The following BRF2 variants were observed in gnomAD, a reference collection of about 807,000 sequenced individuals.
BRF2 encodes BRF2 general transcription factor IIIB subunit, also known as transcription factor IIIB 50 kDa subunit.
BRF2 carries 17 observed loss-of-function variants against 26.6 expected under a neutral mutation model. The ratio of observed to expected loss-of-function variants is 0.64; its 90% CI spans 0.44 to 0.96. BRF2 has a LOEUF of 0.96. Ranked by LOEUF, BRF2 falls within the 40% of genes least tolerant of loss-of-function variation. The pLI, the probability that BRF2 is intolerant of heterozygous loss-of-function variation, is 0.00. For synonymous variants in BRF2, 219 were observed against 226.6 expected (o/e 0.97, Z 0.30); for missense variants, 515 against 537.0 (o/e 0.96, Z 0.40).
chr8:37,849,084 G>A (rs186058608), intron 1 of BRF2, among the ~76,000 whole-genome samples: 1 of 152,136 alleles, frequency 6.6e-6, no homozygotes, highest in Non-Finnish European at 1.5e-5. Flanking sequence ...CACCATACCT[G>A]GCTAATTAAA....
chr8:37,849,018 G>A (rs906009859), intron 1 of BRF2, among the ~76,000 whole-genome samples: 2 of 152,140 alleles, frequency 1.3e-5, no homozygotes, highest in Non-Finnish European at 2.9e-5. Flanking sequence ...CAACTTCCAG[G>A]CTCAAGCAAT....
At chr8:37,848,871 A>G (rs537298182) in intron 1 of BRF2, among the ~76,000 whole-genome samples, 4 of 152,342 alleles carry the variant, frequency 2.6e-5, no homozygotes, top group South Asian at 2.1e-4. Context: ...AAGTGTTCCA[A>G]ATTTCCAGTC....
At chr8:37,849,521 CAAATT>C in intron 1 of BRF2, 104 bp downstream of exon 1, 5 of 931,496 alleles carry the variant, frequency 5.4e-6, no homozygotes, top group Non-Finnish European at 8.1e-6. Context: ...CATTTTCTCT[CAAATT>C]AAGTGTGTGC....
rs146824652 is a variant in BRF2 at position 37,847,114 on chromosome 8, G to A, written c.276C>T (p.Thr92=). ...VLQLPPTFED[T]AVAYYQQAYR... The stretch of plus-strand genomic sequence containing the variant: ...ATGCCTGTTGGTAGTAGGCAACCGC[G>A]GTATCCTCAAATGTTGGTGGCAACT... Residue 92 remains threonine, a synonymous_variant, in exon 3 of 4, where the codon ACC becomes ACT. Coordinates refer to ENST00000220659, the MANE Select transcript of BRF2 (RefSeq NM_018310.4). 181 of 1,614,162 alleles carry A rather than the reference G, an allele frequency of 1.1e-4. No homozygotes were observed. The Admixed American group carries it at 1.5e-3, about 14-fold the overall frequency.
intron 2 of BRF2, among the ~76,000 whole-genome samples, chr8:37,847,590 C>T (rs1459036201): frequency 2.6e-5 from 4 of 152,162 alleles, no homozygotes; most frequent in African/African-American, 7.2e-5. Context: ...AGTGCAGTGG[C>T]GCCATCTTGG....
At chr8:37,845,713 G>A in intron 3 of BRF2, 1 of 700,562 alleles carries the variant, frequency 1.4e-6, no homozygotes, top group East Asian at 2.7e-5. Flanking sequence ...CAGGTGGGCA[G>A]ATCGCTTGAG....
rs143560473 is a variant in BRF2 at position 37,848,900 on chromosome 8, A to G, written c.155-245T>C. Among the ~76,000 whole-genome samples the G allele has an allele frequency of 6.3e-3, 956 of 152,302 alleles. 5 individuals carry two copies. The highest frequency in any genetic ancestry group is 0.022 in the African/African-American group (902 of 41,558). On this transcript the variant is annotated intron_variant, in intron 1 of 3. Coordinates refer to ENST00000220659, the MANE Select transcript of BRF2 (RefSeq NM_018310.4). ...TCCAGTCATCCTTCCAGTACATTCCATACAGGCAATTTTCCTAGCAGCAGA... is the reference window on the plus strand; with the variant it reads ...TCCAGTCATCCTTCCAGTACATTCCGTACAGGCAATTTTCCTAGCAGCAGA...
At position 37,843,409 on chromosome 8, in the gene BRF2, G is replaced by A. The variant is rs1805873916; in HGVS notation, c.*1081C>T. 1 of 152,298 alleles carries A rather than the reference G, an allele frequency of 6.6e-6. No individual in the cohort carries two copies. The highest frequency in any genetic ancestry group is 1.5e-5 in the Non-Finnish European group (1 of 68,104). The allele number at this position is 152,298 out of a possible 1,614,324, so 9.4% of individuals were successfully genotyped here. ...TGTCAAACCAGCTTCCCGACTCCCA[G>A]GAGCTCAAGCCAAGCCCAGAGGCAG... is the stretch of plus-strand genomic sequence containing the variant. On this transcript the variant is annotated 3_prime_UTR_variant, in exon 4 of 4. Coordinates refer to ENST00000220659, the MANE Select transcript of BRF2 (RefSeq NM_018310.4).
chr8:37,847,444 T>A (rs1210384002), intron 2 of BRF2: 1 of 579,648 alleles, frequency 1.7e-6, no homozygotes, highest in Non-Finnish European at 3.3e-6. Flanking sequence ...TCCAGGCTCT[T>A]AGAGGCTACC....
intron 2 of BRF2, among the ~76,000 whole-genome samples, chr8:37,847,640 C>T (rs1403751853): frequency 6.6e-6 from 1 of 152,198 alleles, no homozygotes; most frequent in Non-Finnish European, 1.5e-5. Context: ...AGTGATTCTC[C>T]TGCCTCAGCC....
rs1050702512 is a variant in BRF2, at chr8:37,844,000, T to A, written c.*490A>T. The A allele has an allele frequency of 6.3e-6, 1 of 158,912 alleles. No homozygotes were observed. The highest frequency in any genetic ancestry group is 2.4e-5 in the African/African-American group (1 of 41,558). The allele number at this position is 158,912 out of a possible 1,614,324, so 9.8% of individuals were successfully genotyped here. ...TGCCTTAGTCTACCCACTGTCCTTT[T>A]GTTATGAGGTAGAGGATCTCATGAC... On this transcript the variant is annotated 3_prime_UTR_variant, in exon 4 of 4. Coordinates refer to ENST00000220659, the MANE Select transcript of BRF2 (RefSeq NM_018310.4).
Position 37,845,046 on chromosome 8 carries a change from T to C in BRF2, c.704A>G (p.Gln235Arg). 1 of 1,613,904 alleles carries C rather than the reference T, an allele frequency of 6.2e-7. No individual in the cohort carries two copies. Among genetic ancestry groups the C allele is most frequent in the East Asian group, 2.2e-5 (1 of 44,868 alleles). The change falls in exon 4 of 4, where the codon CAG (glutamine) becomes CGG (arginine). Residue 235 changes from glutamine (Q) to arginine (R), a missense_variant. By Grantham distance (43) the Gln-to-Arg change is conservative. Transcript: ENST00000220659. ...AAGCCGATCTGCAGGCTGCAGCGAC[T>C]GCCAAGCCAGGAAAGTCGCAGCAGT... The part of the protein sequence containing the change: ...VITAATFLAW[Q>R]SLQPADRLSC...
Position 37,849,677 on chromosome 8 carries a change from G to A in BRF2, c.107C>T (p.Thr36Ile), listed in dbSNP as rs572223366. The A allele has an allele frequency of 4.4e-4, 709 of 1,613,688 alleles. 4 individuals carry two copies. The South Asian group carries it at 7.3e-3, about 17-fold the overall frequency. ...GAAGGTAGTGGTAAGGACCCCCTCG[G>A]TGACCACGCAGCCGCAGTCGGAGCA... ...LVCSDCGCVV[T>I]EGVLTTTFSD... Residue 36 changes from threonine to isoleucine, a missense_variant, in exon 1 of 4, where the codon ACC becomes ATC. Physicochemically the swap from Thr to Ile is moderately conservative, Grantham distance 89. Coordinates refer to ENST00000220659, the MANE Select transcript of BRF2 (RefSeq NM_018310.4).
Position 37,847,189 on chromosome 8 carries a change from A to C in BRF2, c.215-14T>G, listed in dbSNP as rs771998157. The C allele has an allele frequency of 3.7e-6, 6 of 1,612,254 alleles. 1 individual carries two copies. The Middle Eastern group carries it at 4.9e-4, about 133-fold the overall frequency. On this transcript the variant is annotated splice_polypyrimidine_tract_variant and intron_variant, in intron 2 of 3. Coordinates refer to ENST00000220659, the MANE Select transcript of BRF2 (RefSeq NM_018310.4). ...CTCGCCGGAGACCTAGGAAAAACCCACGGCAAGAGTTAGAGGGGTCAAAGG... is the reference window on the plus strand; with the variant it reads ...CTCGCCGGAGACCTAGGAAAAACCCCCGGCAAGAGTTAGAGGGGTCAAAGG...
intron 1 of BRF2, among the ~76,000 whole-genome samples, chr8:37,849,024 G>A (rs1000998758): frequency 2.0e-5 from 3 of 152,158 alleles, no homozygotes; most frequent in African/African-American, 4.8e-5. Context: ...CCAGGCTCAA[G>A]CAATCCTCCT....
At position 37,848,611 on chromosome 8, in the gene BRF2, G is replaced by A. The variant is rs140395188; in HGVS notation, c.199C>T (p.Arg67Cys). 3.0e-5 allele frequency: 49 copies of A among 1,614,070 alleles called. No individual in the cohort carries two copies. The African/African-American group carries it at 3.5e-4, about 11-fold the overall frequency. The change falls in exon 2 of 4, where the codon CGC becomes TGC. Residue 67 changes from arginine (R) to cysteine (C), a missense_variant. Transcript: ENST00000220659. ...CAATTCTCACCTCGTTGCTGGCTGC[G>A]ACTAACTTGTTCGTTTTCCCCTGTG... ...RSTGENEQVS[R>C]SQQRGLRRVR...
chr8:37,847,464 C>A (rs758515745), intron 2 of BRF2: 35 of 523,100 alleles, frequency 6.7e-5, no homozygotes, highest in Non-Finnish European at 1.0e-4. Flanking sequence ...CTCAAACATA[C>A]GTCTGATCAA....
rs138178332 is a variant in BRF2 at position 37,847,169 on chromosome 8, C to T, written c.221G>A (p.Arg74Gln). The T allele has an allele frequency of 2.4e-5, 39 of 1,613,080 alleles. No homozygotes were observed. The highest frequency in any genetic ancestry group is 3.1e-5 in the Non-Finnish European group (37 of 1,179,240). Residue 74 changes from arginine to glutamine, a missense_variant, in exon 3 of 4, where the codon CGG (arginine) becomes CAG (glutamine). Physicochemically the swap from Arg to Gln is conservative, Grantham distance 43. Coordinates refer to ENST00000220659, the MANE Select transcript of BRF2 (RefSeq NM_018310.4). ...QVSRSQQRGL[R>Q]RVRDLCRVLQ... is the part of the protein sequence containing the mutation. Reference sequence around the variant, plus strand: ...AACTCGACAAAGGTCTCTCACTCGCCGGAGACCTAGGAAAAACCCACGGCA... The same window carrying T: ...AACTCGACAAAGGTCTCTCACTCGCTGGAGACCTAGGAAAAACCCACGGCA...
At chr8:37,845,718 C>T in intron 3 of BRF2, 1 of 700,178 alleles carries the variant, frequency 1.4e-6, no homozygotes, top group Non-Finnish European at 2.6e-6. Context: ...GGGCAGATCG[C>T]TTGAGCCCAT....
Sources: allele counts gnomAD v4.1 joint callset (sites outside exome capture counted in the v4.1 genomes callset), GRCh38; gene constraint gnomAD v4.1.1; transcripts MANE v1.5; gene names NCBI Gene and HGNC (gene_info 2026-07-23, HGNC 2026-07-21).